The following ITPR2 variants were observed in gnomAD, a reference collection of about 807,000 sequenced individuals.
The protein encoded by ITPR2 is inositol 1,4,5-trisphosphate-gated calcium channel ITPR2.
In ITPR2, 207 loss-of-function variants were observed where a neutral mutation model predicts 317.1. The ratio of observed to expected loss-of-function variants is 0.65; its 90% CI spans 0.58 to 0.73. The LOEUF (loss-of-function observed/expected upper bound fraction) is 0.73. ITPR2 is among the 30% of genes least tolerant of loss of function. ITPR2 has a pLI of 0.00. For synonymous variants in ITPR2, 1,156 were observed against 1,149.1 expected (o/e 1.01, Z -0.12); for missense variants, 2,613 against 3,284.0 (o/e 0.80, Z 4.99).
intron 36 of ITPR2, among the ~76,000 whole-genome samples, chr12:26,555,152 T>C (rs1385573817): frequency 6.6e-6 from 1 of 152,210 alleles, no homozygotes; most frequent in Non-Finnish European, 1.5e-5. Flanking sequence ...ACATGATCCC[T>C]GTAGTCAGTT....
chr12:26,403,260 T>C (rs1397733337), intron 52 of ITPR2, among the ~76,000 whole-genome samples: 1 of 151,802 alleles, frequency 6.6e-6, no homozygotes, highest in African/African-American at 2.4e-5. Flanking sequence ...CACAGAAGGG[T>C]GTGGGAGGTG....
intron 9 of ITPR2, among the ~76,000 whole-genome samples, chr12:26,709,010 T>C (rs2137018185): frequency 6.6e-6 from 1 of 152,356 alleles, no homozygotes; most frequent in South Asian, 2.1e-4. Flanking sequence ...AGTTACCAGC[T>C]GTTCCTGGAC....
chr12:26,737,341 C>T (rs1036301162), intron 2 of ITPR2, among the ~76,000 whole-genome samples: 2 of 152,026 alleles, frequency 1.3e-5, no homozygotes, highest in Admixed American at 6.6e-5. Flanking sequence ...CTGCAACCTC[C>T]ACCTTCCAGG....
chr12:26,800,729 T>C (rs1950541656), intron 1 of ITPR2: 1 of 152,228 alleles, frequency 6.6e-6, no homozygotes, highest in Admixed American at 6.5e-5. Flanking sequence ...GTTTTAATAA[T>C]TTCTTGGAAT....
intron 45 of ITPR2, among the ~76,000 whole-genome samples, chr12:26,448,448 A>G (rs923319516): frequency 1.3e-5 from 2 of 152,168 alleles, no homozygotes; most frequent in East Asian, 3.8e-4. Context: ...TGTTTTATAT[A>G]TGGTGTGCAA....
chr12:26,461,090 C>T (rs1397031977), intron 45 of ITPR2, among the ~76,000 whole-genome samples: 1 of 152,156 alleles, frequency 6.6e-6, no homozygotes, highest in Non-Finnish European at 1.5e-5. Context: ...ATCACAGAAC[C>T]ACAGCAATCG....
chr12:26,599,692 T>A (rs1183714851), intron 29 of ITPR2, among the ~76,000 whole-genome samples: 1 of 152,212 alleles, frequency 6.6e-6, no homozygotes, highest in Non-Finnish European at 1.5e-5. Context: ...TTTCCATATT[T>A]ACCTTACTCA....
rs1203609986 is a variant in ITPR2 at position 26,556,295 on chromosome 12, A to G, written c.4902T>C (p.Ser1634=). ...EFSVLVDVLY[S]PELLFPEGSD... ...TTCCCTCAGGGAACAGCAGTTCTGG[A>G]CTGTACAATACATCAACCAACACTG... The change falls in exon 36 of 57, where the codon AGT becomes AGC. Residue 1634 remains serine, a synonymous_variant. Coordinates refer to ENST00000381340, the MANE Select transcript of ITPR2 (RefSeq NM_002223.4). 2 of 1,613,964 alleles carry G rather than the reference A, an allele frequency of 1.2e-6. No individual in the cohort carries two copies. The highest frequency in any genetic ancestry group is 1.7e-5 in the Admixed American group (1 of 59,984).
Position 26,825,733 on chromosome 12 carries a change from A to T in ITPR2, c.92+6957T>A, listed in dbSNP as rs145750677. The stretch of plus-strand genomic sequence containing the variant: ...TATAGAATGACTTTTAGGTTTAAGA[A>T]ATAGTCACCCTTTCAGCTTAAAATA... On this transcript the variant is annotated intron_variant, in intron 1 of 56. Transcript: ENST00000381340. Among the ~76,000 whole-genome samples the T allele has an allele frequency of 7.2e-5, 11 of 152,314 alleles. No homozygotes were observed. In the East Asian group the frequency reaches 1.9e-3, roughly 27 times the overall value.
chr12:26,581,197 A>G (rs978861767), intron 32 of ITPR2, among the ~76,000 whole-genome samples: 2 of 152,206 alleles, frequency 1.3e-5, no homozygotes, highest in Non-Finnish European at 2.9e-5. Flanking sequence ...TTGTTTTAAA[A>G]GCTTTCACAC....
intron 2 of ITPR2, among the ~76,000 whole-genome samples, chr12:26,755,405 T>C (rs1277471389): frequency 2.6e-5 from 4 of 152,320 alleles, no homozygotes; most frequent in South Asian, 2.1e-4. Context: ...TTCATGAATA[T>C]CAAGCAAAAC....
In ITPR2 at chr12:26,387,603, C is replaced by T. The variant is rs1299235428; in HGVS notation, c.7697-9G>A. 1 of 1,612,160 alleles carries T rather than the reference C, an allele frequency of 6.2e-7. No homozygotes were observed. The highest frequency in any genetic ancestry group is 1.7e-5 in the Admixed American group (1 of 59,900). On this transcript the variant is annotated splice_polypyrimidine_tract_variant and intron_variant, in intron 54 of 56. Coordinates refer to ENST00000381340, the MANE Select transcript of ITPR2 (RefSeq NM_002223.4). The stretch of plus-strand genomic sequence containing the variant: ...CTTGTCTCTCTCAAGTCCTGAAAAA[C>T]ACAGGCAACACAATATATGTAATTC...
intron 32 of ITPR2, among the ~76,000 whole-genome samples, chr12:26,593,739 T>TG (rs200879334): frequency 1.3e-4 from 19 of 147,534 alleles, no homozygotes; most frequent in African/African-American, 3.6e-4. Context: ...ATTTTTTTGT[T>TG]TTTTTTTTTG....
rs1481824743 is a variant in ITPR2, at chr12:26,508,986, A to T, written c.5074-13726T>A. ...GATCCATAATAGTAGAGACAATCCAAATGTCCACCAAATGATGACTGGATA... is the reference window on the plus strand; with the variant it reads ...GATCCATAATAGTAGAGACAATCCATATGTCCACCAAATGATGACTGGATA... On this transcript the variant is annotated intron_variant, in intron 37 of 56. Transcript: ENST00000381340. Among the ~76,000 whole-genome samples the T allele has an allele frequency of 2.6e-5, 4 of 152,218 alleles. No individual in the cohort carries two copies. In the South Asian group the frequency reaches 8.3e-4, roughly 32 times the overall value.
intron 5 of ITPR2, chr12:26,721,371 T>C: frequency 1.7e-6 from 1 of 587,574 alleles, no homozygotes; most frequent in Non-Finnish European, 3.2e-6. Flanking sequence ...ATTTCAAAAT[T>C]CACTGGAAAA....
intron 52 of ITPR2, among the ~76,000 whole-genome samples, chr12:26,403,750 G>A (rs924559718): frequency 1.3e-5 from 2 of 152,186 alleles, no homozygotes; most frequent in African/African-American, 2.4e-5. Context: ...TAGTAGAATC[G>A]AGTTTGCCTT....
At position 26,355,710 on chromosome 12, in the gene ITPR2, T is replaced by C. The variant is rs537429051; in HGVS notation, c.7858-15382A>G. Among the ~76,000 whole-genome samples, 28 of 152,298 alleles carry C rather than the reference T, an allele frequency of 1.8e-4. No homozygotes were observed. The South Asian group carries it at 5.4e-3, about 29-fold the overall frequency. ...AATTCCTCTTTGATTCCAAATACCT[T>C]TTTCTAGAAAATCCCTATTTTTTCC... is the stretch of plus-strand genomic sequence containing the variant. On this transcript the variant is annotated intron_variant, in intron 55 of 56. Coordinates refer to ENST00000381340, the MANE Select transcript of ITPR2 (RefSeq NM_002223.4).
chr12:26,724,087 T>C (rs1948881254), intron 4 of ITPR2, among the ~76,000 whole-genome samples: 1 of 152,248 alleles, frequency 6.6e-6, no homozygotes, highest in East Asian at 1.9e-4. Flanking sequence ...TCTCACTATG[T>C]AGCTCTGTAT....
rs184410641 is a variant in ITPR2, at chr12:26,466,587, A to T, written c.6342+8709T>A. Among the ~76,000 whole-genome samples the T allele has an allele frequency of 3.4e-3, 513 of 152,320 alleles. 1 individual carries two copies. The highest frequency in any genetic ancestry group is 0.012 in the African/African-American group (489 of 41,578). On this transcript the variant is annotated intron_variant, in intron 45 of 56. Transcript: ENST00000381340. ...GTAGCTGATTAGTTATTGTTACATT[A>T]TTTAAAACATAATTGAATCCAGTAA... is the stretch of plus-strand genomic sequence containing the variant.
Sources: gnomAD v4.1 joint callset for allele counts (sites outside exome capture counted in the v4.1 genomes callset) on GRCh38, gnomAD v4.1.1 for gene constraint, MANE v1.5 for transcripts, NCBI Gene and HGNC (gene_info 2026-07-23, HGNC 2026-07-21) for gene names.